Variants in USP25 observed in about 807,000 individuals in gnomAD.
The protein encoded by USP25 is ubiquitin specific peptidase 25.
Under a neutral mutation model 158.5 loss-of-function variants are expected in USP25, and 85 were observed. The observed-to-expected ratio is 0.54, with a 90% CI of 0.45 to 0.64. The LOEUF (loss-of-function observed/expected upper bound fraction) is 0.64, where lower values mean the gene tolerates loss of function less well. Among genes scored for constraint, USP25 ranks in the 30% least tolerant of loss-of-function variants. The pLI is 0.00. For missense variants in USP25, 1,242 were observed against 1,327.3 expected (o/e 0.94, Z 1.00); for synonymous variants, 464 against 460.4 (o/e 1.01, Z -0.10).
intron 5 of USP25, among the ~76,000 whole-genome samples, chr21:15,796,621 G>A (rs1473415512): frequency 1.3e-5 from 2 of 151,432 alleles, no homozygotes; most frequent in Non-Finnish European, 3.0e-5. Flanking sequence ...AGTTAAGACA[G>A]GCTTCCTAGT....
rs147574990 is a variant in USP25 at position 15,800,383 on chromosome 21, A to G, written c.642+540A>G. ...TGGTTACTTGATTTCTCTCTGTTCC[A>G]TTTACTATCTGTAAATCATATATAA... On this transcript the variant is annotated intron_variant, in intron 6 of 25. Coordinates refer to ENST00000400183, the MANE Select transcript of USP25 (RefSeq NM_001283041.3). 8.9e-3 allele frequency among the ~76,000 whole-genome samples: 1,350 copies of G among 151,364 alleles called. 18 individuals are homozygous for G. The highest frequency in any genetic ancestry group is 0.03 in the African/African-American group (1,262 of 41,442).
intron 3 of USP25, among the ~76,000 whole-genome samples, chr21:15,768,633 A>G (rs537717646): frequency 6.6e-6 from 1 of 152,272 alleles, no homozygotes; most frequent in African/African-American, 2.4e-5. Flanking sequence ...CTCTATTTAA[A>G]AAAATCTACC....
chr21:15,774,943 GTAT>G (rs2034552468), intron 3 of USP25, among the ~76,000 whole-genome samples: 2 of 152,258 alleles, frequency 1.3e-5, no homozygotes, highest in South Asian at 4.1e-4. Flanking sequence ...TATCTGAGTA[GTAT>G]TATTTTTTTA....
chr21:15,801,212 G>C (rs1224585026), intron 6 of USP25, among the ~76,000 whole-genome samples: 2 of 151,506 alleles, frequency 1.3e-5, no homozygotes, highest in African/African-American at 2.4e-5. Context: ...ATGTTTTACA[G>C]AGCTTTAATT....
Position 15,846,122 on chromosome 21 carries a change from G to GTATATATA in USP25, c.2338-1511_2338-1504dup, listed in dbSNP as rs34210530. 9.2e-4 allele frequency among the ~76,000 whole-genome samples: 51 copies of GTATATATA among 55,706 alleles called. 1 individual carries two copies. The highest frequency in any genetic ancestry group is 1.1e-3 in the Non-Finnish European group (37 of 32,752). 36.5% of individuals were successfully genotyped at this position (55,706 alleles called of 152,430 possible). On this transcript the variant is annotated intron_variant, in intron 18 of 25. Coordinates refer to ENST00000400183, the MANE Select transcript of USP25 (RefSeq NM_001283041.3). ...TTTTGATATATGTGTGTGTGTGTGT[G>GTATATATA]TATATATATATATATATATATATAT...
intron 11 of USP25, 115 bp downstream of exon 11, chr21:15,824,281 T>A: frequency 8.3e-7 from 1 of 1,208,958 alleles, no homozygotes; most frequent in Non-Finnish European, 1.2e-6. Flanking sequence ...TTTTGCATAA[T>A]ATACCTAATA....
At chr21:15,775,163 G>T (rs2034565475) in intron 3 of USP25, among the ~76,000 whole-genome samples, 1 of 152,030 alleles carries the variant, frequency 6.6e-6, no homozygotes, top group African/African-American at 2.4e-5. Context: ...AAATATATTT[G>T]GGGAAAAAAC....
chr21:15,874,418 G>C lies in USP25; in HGVS notation c.2901G>C (p.Leu967Phe), dbSNP rs1293095763. The change falls in exon 24 of 26, where the codon TTG (leucine) becomes TTC (phenylalanine). Residue 967 changes from leucine to phenylalanine, a missense_variant. Physicochemically the swap from Leu to Phe is conservative, Grantham distance 22 (BLOSUM62 0). Around this residue, in one of 3 missense-constraint regions of USP25, gnomAD observed 608 missense variants for 605.2 expected, o/e 1.00. Transcript: ENST00000400183. Reference sequence around the variant, plus strand: ...AATTTTCAAGTTATATAGATTCCTTGCTGTTCCTCATCTGTGCTTATCAGA... The same window carrying C: ...AATTTTCAAGTTATATAGATTCCTTCCTGTTCCTCATCTGTGCTTATCAGA... ...NFQRESYIDS[L>F]LFLICAYQNN... 6.2e-7 allele frequency: 1 copy of C among 1,605,420 alleles called. No individual in the cohort carries two copies. The highest frequency in any genetic ancestry group is 1.3e-5 in the African/African-American group (1 of 74,400).
chr21:15,760,668 A>G (rs1363521141), intron 1 of USP25, among the ~76,000 whole-genome samples: 3 of 152,244 alleles, frequency 2.0e-5, no homozygotes, highest in African/African-American at 7.2e-5. Flanking sequence ...TTTGATGTCA[A>G]CAAAGCTGAA....
Position 15,824,963 on chromosome 21 carries a change from T to C in USP25, c.1209-3T>C, listed in dbSNP as rs2037427707. On this transcript the variant is annotated splice_polypyrimidine_tract_variant and splice_region_variant and intron_variant, in intron 11 of 25. Transcript: ENST00000400183. ...AATGCTAATGATTACCTTTTTCTGATAGATACATGCACAGAAACAGAGAAA... is the reference window on the plus strand; with the variant it reads ...AATGCTAATGATTACCTTTTTCTGACAGATACATGCACAGAAACAGAGAAA... 5 of 1,600,188 alleles carry C rather than the reference T, an allele frequency of 3.1e-6. No homozygotes were observed. The highest frequency in any genetic ancestry group is 1.3e-5 in the African/African-American group (1 of 74,530).
At chr21:15,757,940 A>C (rs556097901) in intron 1 of USP25, among the ~76,000 whole-genome samples, 6 of 152,292 alleles carry the variant, frequency 3.9e-5, no homozygotes, top group African/African-American at 1.4e-4. Flanking sequence ...TTGTGTATAT[A>C]CTATTTTGTA....
At chr21:15,745,193 T>G (rs1319949140) in intron 1 of USP25, 1 of 152,254 alleles carries the variant, frequency 6.6e-6, no homozygotes, top group African/African-American at 2.4e-5. Flanking sequence ...CCAGGGCCTC[T>G]GTCTTTTCCT....
At chr21:15,733,537 G>T (rs1248002401) in intron 1 of USP25, among the ~76,000 whole-genome samples, 3 of 152,054 alleles carry the variant, frequency 2.0e-5, no homozygotes, top group African/African-American at 4.8e-5. Context: ...TTCAAAACCA[G>T]CCTGGGCAAC....
Position 15,864,434 on chromosome 21 carries a change from G to A in USP25, c.2714G>A (p.Ser905Asn). ...GAACAATTTGGAGATAGAAATTTGA[G>A]TTTTGATGAAAGGTAATTTGAAAGT... ...LLEQFGDRNL[S>N]FDERCHNIMK... The change falls in exon 21 of 26, where the codon AGT (serine) becomes AAT (asparagine). Residue 905 changes from serine to asparagine, a missense_variant. By Grantham distance (46) the Ser-to-Asn change is conservative. Around this residue, in one of 3 missense-constraint regions of USP25, gnomAD observed 608 missense variants for 605.2 expected, o/e 1.00. Coordinates refer to ENST00000400183, the MANE Select transcript of USP25 (RefSeq NM_001283041.3). 1.9e-6 allele frequency: 3 copies of A among 1,596,052 alleles called. No individual in the cohort carries two copies. Among genetic ancestry groups the A allele is most frequent in the Non-Finnish European group, 2.6e-6 (3 of 1,174,784 alleles).
chr21:15,840,637 G>A (rs1046428585), intron 17 of USP25, among the ~76,000 whole-genome samples: 2 of 152,094 alleles, frequency 1.3e-5, no homozygotes, highest in Non-Finnish European at 2.9e-5. Context: ...TACTCATAAC[G>A]TTTTTGTACT....
intron 22 of USP25, among the ~76,000 whole-genome samples, chr21:15,867,158 TTGA>T (rs1375054704): frequency 6.6e-6 from 1 of 152,302 alleles, no homozygotes; most frequent in Middle Eastern, 3.4e-3. Flanking sequence ...TTTATTTTAA[TTGA>T]TGAATTCATA....
intron 2 of USP25, among the ~76,000 whole-genome samples, chr21:15,763,912 A>G (rs769064652): frequency 6.6e-6 from 1 of 152,186 alleles, no homozygotes; most frequent in Non-Finnish European, 1.5e-5. Context: ...AAGATGAGCA[A>G]CAGAGAGGTT....
intron 1 of USP25, among the ~76,000 whole-genome samples, chr21:15,761,898 G>C (rs949349880): frequency 2.6e-5 from 4 of 152,100 alleles, no homozygotes; most frequent in Admixed American, 6.5e-5. Flanking sequence ...TCTGCCCTAT[G>C]CGCCTTGGTC....
chr21:15,853,158 AT>A (rs963619728), intron 20 of USP25, among the ~76,000 whole-genome samples: 1 of 152,126 alleles, frequency 6.6e-6, no homozygotes, highest in African/African-American at 2.4e-5. Flanking sequence ...GAGACTTAAA[AT>A]TTTTTTAATG....
Sources: allele counts gnomAD v4.1 joint callset (sites outside exome capture counted in the v4.1 genomes callset), GRCh38; gene constraint gnomAD v4.1.1; regional missense constraint gnomAD v4.1.1; transcripts MANE v1.5; gene names NCBI Gene and HGNC (gene_info 2026-07-23, HGNC 2026-07-21).